Variants in CALN1 observed in about 807,000 individuals in gnomAD.
The protein encoded by CALN1 is calneuron 1.
CALN1 carries 17 observed loss-of-function variants against 30.6 expected under a neutral mutation model. The ratio of observed to expected loss-of-function variants is 0.56; its 90% CI spans 0.38 to 0.83. The LOEUF is 0.83. Ranked by LOEUF, CALN1 falls within the 40% of genes least tolerant of loss-of-function variation. The probability of loss-of-function intolerance (pLI) is 0.00; values close to 1 mark genes in which losing one functional copy is unlikely to be tolerated. For synonymous variants in CALN1, 156 were observed against 131.4 expected, an observed-to-expected ratio of 1.19 and a Z score of -1.28; for missense variants, 291 against 354.9, an observed-to-expected ratio of 0.82 and a Z score of 1.45.
At chr7:71,814,934 C>T (rs1256888065) in intron 5 of CALN1, among the ~76,000 whole-genome samples, 1 of 151,606 alleles carries the variant, frequency 6.6e-6, no homozygotes, top group Non-Finnish European at 1.5e-5. Flanking sequence ...CCTGGGTTCA[C>T]GCCATTCTCC....
intron 5 of CALN1, among the ~76,000 whole-genome samples, chr7:71,909,436 C>A (rs1215187816): frequency 6.6e-6 from 1 of 151,590 alleles, no homozygotes; most frequent in African/African-American, 2.4e-5. Context: ...CAAACACTTA[C>A]TGGTTAAAAA....
At chr7:72,284,082 G>A (rs1797911693) in intron 2 of CALN1, among the ~76,000 whole-genome samples, 1 of 152,112 alleles carries the variant, frequency 6.6e-6, no homozygotes, top group African/African-American at 2.4e-5. Flanking sequence ...CTTGAGGCTA[G>A]GAGTTCAAGA....
intron 2 of CALN1, among the ~76,000 whole-genome samples, chr7:72,288,394 C>T (rs1019111441): frequency 4.6e-5 from 7 of 152,140 alleles, no homozygotes; most frequent in East Asian, 1.9e-4. Flanking sequence ...GGTAGGGGCT[C>T]TTATGACTTG....
At chr7:72,336,224 G>A (rs1802023345) in intron 2 of CALN1, among the ~76,000 whole-genome samples, 1 of 152,134 alleles carries the variant, frequency 6.6e-6, no homozygotes, top group Admixed American at 6.5e-5. Flanking sequence ...CGATCGCCAT[G>A]ACTCCGGCTT....
rs201279221 is a variant in CALN1, at chr7:71,970,584, C to CTTT, written c.501+53070_501+53072dup. Reference sequence around the variant, plus strand: ...TGGGACTTGTATCTGCAAAATATACCTTTTTTTTTTTTTTGCAGCCAGCTA... The same window carrying CTTT: ...TGGGACTTGTATCTGCAAAATATACCTTTTTTTTTTTTTTTTTGCAGCCAGCTA... On this transcript the variant is annotated intron_variant, in intron 5 of 6. Coordinates refer to ENST00000395275, the MANE Select transcript of CALN1 (RefSeq NM_031468.4). 5.7e-3 allele frequency among the ~76,000 whole-genome samples: 819 copies of CTTT among 143,696 alleles called. 5 individuals are homozygous for CTTT. Among genetic ancestry groups the CTTT allele is most frequent in the African/African-American group, 0.02 (772 of 39,238 alleles). 94.3% of individuals were successfully genotyped at this position (143,696 alleles called of 152,430 possible). A position where few individuals can be genotyped will look rare whatever the true frequency, so the allele number is the denominator to read the frequency against.
At chr7:72,086,538 A>T (rs118157164) in intron 4 of CALN1, among the ~76,000 whole-genome samples, 3,745 of 151,992 alleles carry the variant, frequency 0.025, 92 homozygotes, top group Admixed American at 0.074. Context: ...AGTTCAAGCG[A>T]TTCTCCCACC....
chr7:72,015,479 G>A (rs1004346302), intron 5 of CALN1, among the ~76,000 whole-genome samples: 12 of 147,448 alleles, frequency 8.1e-5, no homozygotes, highest in Non-Finnish European at 1.6e-4. Flanking sequence ...CACTCTTGTC[G>A]CCCAGGCTGG....
At chr7:72,365,981 C>T (rs367972947) in intron 2 of CALN1, among the ~76,000 whole-genome samples, 1 of 151,948 alleles carries the variant, frequency 6.6e-6, no homozygotes, top group African/African-American at 2.4e-5. Context: ...AAATCCAATT[C>T]TAAGTATTTA....
chr7:72,425,261 G>A (rs952159037), intron 1 of CALN1, among the ~76,000 whole-genome samples: 3 of 152,102 alleles, frequency 2.0e-5, no homozygotes, highest in Non-Finnish European at 2.9e-5. Context: ...TTACAGGCAC[G>A]TGCCACCACA....
chr7:72,361,441 G>C (rs1275219666), intron 2 of CALN1, among the ~76,000 whole-genome samples: 3 of 152,300 alleles, frequency 2.0e-5, no homozygotes, highest in East Asian at 1.9e-4. Flanking sequence ...AGGAGTTTGA[G>C]GCTACAGTGA....
rs959931175 is a variant in CALN1, at chr7:72,358,231, G to A, written c.119+45020C>T. On this transcript the variant is annotated intron_variant, in intron 2 of 6. Transcript: ENST00000395275. ...ACTGGTCTCAAATGCCTGGCCTCAC[G>A]TGACCCTTGAGCCTTGGCCTCCCAA... Among the ~76,000 whole-genome samples, 14 of 151,892 alleles carry A rather than the reference G, an allele frequency of 9.2e-5. 1 individual carries two copies. The highest frequency in any genetic ancestry group is 5.2e-4 in the Admixed American group (8 of 15,270).
intron 3 of CALN1, among the ~76,000 whole-genome samples, chr7:72,120,871 C>T (rs1239794573): frequency 6.6e-6 from 1 of 151,902 alleles, no homozygotes; most frequent in East Asian, 1.9e-4. Context: ...CAGGGCCTGG[C>T]CCAAAGGAGG....
chr7:72,203,834 G>C lies in CALN1; in HGVS notation c.244+74852C>G, dbSNP rs1034682330. Among the ~76,000 whole-genome samples, 3 of 152,024 alleles carry C rather than the reference G, an allele frequency of 2.0e-5. No individual in the cohort carries two copies. In the South Asian group the frequency reaches 6.3e-4, roughly 32 times the overall value. Reference sequence around the variant, plus strand: ...AACATTTTTTTTTCTAAGTGCAAAAGTCATACTAGCCCAATGCAGAAGATA... The same window carrying C: ...AACATTTTTTTTTCTAAGTGCAAAACTCATACTAGCCCAATGCAGAAGATA... On this transcript the variant is annotated intron_variant, in intron 3 of 6. Coordinates refer to ENST00000395275, the MANE Select transcript of CALN1 (RefSeq NM_031468.4).
chr7:71,846,415 G>A (rs1189487154), intron 5 of CALN1, among the ~76,000 whole-genome samples: 5 of 152,106 alleles, frequency 3.3e-5, no homozygotes, highest in Non-Finnish European at 7.3e-5. Flanking sequence ...AAAGGAGCCC[G>A]CAGTTTTCTG....
intron 3 of CALN1, among the ~76,000 whole-genome samples, chr7:72,251,943 A>G (rs1187243854): frequency 6.6e-6 from 1 of 152,174 alleles, no homozygotes; most frequent in Non-Finnish European, 1.5e-5. Context: ...TTAATTTTAA[A>G]AATATAGATT....
At chr7:72,051,656 G>T (rs952886490) in intron 4 of CALN1, among the ~76,000 whole-genome samples, 8 of 152,120 alleles carry the variant, frequency 5.3e-5, no homozygotes, top group Non-Finnish European at 1.5e-5. Context: ...AAACGCTAAA[G>T]CTGGAACTGG....
chr7:72,250,585 TG>T (rs771087578), intron 3 of CALN1, among the ~76,000 whole-genome samples: 14 of 152,110 alleles, frequency 9.2e-5, no homozygotes, highest in Non-Finnish European at 1.9e-4. Context: ...TGGGGTCTGG[TG>T]GGAAGTGTTT....
At chr7:72,233,963 C>T (rs1452857709) in intron 3 of CALN1, among the ~76,000 whole-genome samples, 1 of 151,954 alleles carries the variant, frequency 6.6e-6, no homozygotes, top group African/African-American at 2.4e-5. Context: ...AAGATCACAC[C>T]ATTGTACTCC....
intron 5 of CALN1, among the ~76,000 whole-genome samples, chr7:71,866,172 A>AT (rs1217752998): frequency 6.6e-6 from 1 of 151,174 alleles, no homozygotes; most frequent in African/African-American, 2.4e-5. Context: ...CACCCGGCTA[A>AT]TTTTTTTTGT....
Sources: gnomAD v4.1 joint callset for allele counts (sites outside exome capture counted in the v4.1 genomes callset) on GRCh38, gnomAD v4.1.1 for gene constraint, MANE v1.5 for transcripts, NCBI Gene and HGNC (gene_info 2026-07-23, HGNC 2026-07-21) for gene names.